Variants in RUFY3 observed in about 807,000 individuals in gnomAD.
RUFY3 encodes protein RUFY3.
A neutral mutation model predicts 84.0 loss-of-function variants in RUFY3; 34 were observed. The ratio of observed to expected loss-of-function variants is 0.40; its 90% CI spans 0.31 to 0.54. The LOEUF (loss-of-function observed/expected upper bound fraction) is 0.54, where lower values mean the gene tolerates loss of function less well. Ranked by LOEUF, RUFY3 falls within the 20% of genes least tolerant of loss-of-function variation. RUFY3 has a pLI of 0.39. For missense variants in RUFY3, 507 were observed against 736.8 expected, an observed-to-expected ratio of 0.69 and a Z score of 3.61; for synonymous variants, 242 against 252.9, an observed-to-expected ratio of 0.96 and a Z score of 0.41.
In RUFY3 at chr4:70,773,590, T is replaced by G. The variant is rs1159154036; in HGVS notation, c.758+18T>G. ...ACTGAAGGGTACGTACAAAGAAAAT[T>G]AGATTTCTTTTCTCCTGATGTAGCA... On this transcript the variant is annotated intron_variant, in intron 6 of 17. Transcript: ENST00000381006. 1 of 1,574,288 alleles carries G rather than the reference T, an allele frequency of 6.4e-7. No homozygotes were observed.
chr4:70,773,419 A>G (rs1300969891), intron 5 of RUFY3, 92 bp from the exon 6 acceptor site: 16 of 800,928 alleles, frequency 2.0e-5, no homozygotes, highest in Non-Finnish European at 3.4e-5. Context: ...TCATGACTGT[A>G]TTACTGTTTT....
chr4:70,719,965 A>G (rs1487361555), upstream of RUFY3, among the ~76,000 whole-genome samples: 1 of 152,192 alleles, frequency 6.6e-6, no homozygotes, highest in Non-Finnish European at 1.5e-5. Context: ...AGAGAATGAG[A>G]TAGAAATAAA....
chr4:70,803,083 A>C, intron 16 of RUFY3, 100 bp downstream of exon 16: 1 of 815,120 alleles, frequency 1.2e-6, no homozygotes, highest in Admixed American at 2.3e-5. Context: ...AAGATGAGTG[A>C]ATACAGTGTG....
chr4:70,792,720 A>C (rs573010689), intron 12 of RUFY3: 1 of 985,338 alleles, frequency 1.0e-6, no homozygotes, highest in East Asian at 1.1e-4. Context: ...CAGAATTAAG[A>C]GTGTAAGATA....
At chr4:70,802,934 AT>A in intron 15 of RUFY3, 21 bp from the exon 16 acceptor site, 2 of 1,579,678 alleles carry the variant, frequency 1.3e-6, no homozygotes, top group Non-Finnish European at 1.7e-6. Context: ...ATTTGTCACA[AT>A]TTTTTACTTC....
At chr4:70,729,281 G>C (rs898004387) in intron 1 of RUFY3, among the ~76,000 whole-genome samples, 6 of 151,792 alleles carry the variant, frequency 4.0e-5, no homozygotes, top group African/African-American at 1.5e-4. Context: ...TTTTGAGACA[G>C]AGTCTCACAG....
At chr4:70,755,691 C>T (rs1249233701) in intron 1 of RUFY3, among the ~76,000 whole-genome samples, 2 of 152,186 alleles carry the variant, frequency 1.3e-5, no homozygotes, top group Non-Finnish European at 2.9e-5. Flanking sequence ...GTGGCTCATG[C>T]CTGTAATCCC....
At chr4:70,753,337 C>A (rs755883132) in intron 1 of RUFY3, among the ~76,000 whole-genome samples, 4 of 152,102 alleles carry the variant, frequency 2.6e-5, no homozygotes, top group Non-Finnish European at 4.4e-5. Flanking sequence ...AAAGAGCCAA[C>A]TTTGGATTTT....
At chr4:70,773,076 G>A (rs377384577) in intron 5 of RUFY3, among the ~76,000 whole-genome samples, 1 of 152,168 alleles carries the variant, frequency 6.6e-6, no homozygotes, top group Admixed American at 6.5e-5. Flanking sequence ...ATTAGCAATG[G>A]TCATCTTCAG....
chr4:70,796,159 A>G (rs1309826140), intron 14 of RUFY3, among the ~76,000 whole-genome samples: 1 of 152,126 alleles, frequency 6.6e-6, no homozygotes, highest in Non-Finnish European at 1.5e-5. Context: ...AGATCACACC[A>G]CTGCACTCCA....
intron 1 of RUFY3, among the ~76,000 whole-genome samples, chr4:70,710,764 A>C (rs1406203041): frequency 6.6e-6 from 1 of 151,528 alleles, no homozygotes; most frequent in African/African-American, 2.4e-5. Context: ...TAATTTATAT[A>C]AAGAGATATG....
Position 70,732,939 on chromosome 4 carries a change from C to T in RUFY3, c.178+10188C>T, listed in dbSNP as rs867289748. On this transcript the variant is annotated intron_variant, in intron 1 of 17. Transcript: ENST00000381006. ...ATAAAAAGCCAGGTGCAGTGGCGGG[C>T]GCCTGTAATCCCAGCTATGTGGGAG... is the stretch of plus-strand genomic sequence containing the variant. Among the ~76,000 whole-genome samples, 183 of 151,686 alleles carry T rather than the reference C, an allele frequency of 1.2e-3. 3 individuals are homozygous for T. The South Asian group carries it at 0.033, about 27-fold the overall frequency.
chr4:70,741,744 TTTAA>T, intron 1 of RUFY3: 1 of 1,203,820 alleles, frequency 8.3e-7, no homozygotes, highest in East Asian at 2.9e-5. Flanking sequence ...CTAACCACCT[TTTAA>T]TTGTTTTCCG....
intron 1 of RUFY3, among the ~76,000 whole-genome samples, chr4:70,735,276 T>A (rs1233654847): frequency 1.3e-5 from 2 of 152,214 alleles, no homozygotes; most frequent in African/African-American, 4.8e-5. Flanking sequence ...GTTTTTTCAT[T>A]GTGGTTCCTC....
chr4:70,788,679 T>C, intron 10 of RUFY3, 127 bp from the exon 11 acceptor site: 3 of 844,398 alleles, frequency 3.6e-6, no homozygotes, highest in Non-Finnish European at 5.3e-6. Flanking sequence ...AAATGAATGG[T>C]AGCTTAAGCT....
intron 6 of RUFY3, among the ~76,000 whole-genome samples, chr4:70,774,004 T>TTA (rs1399287873): frequency 6.6e-6 from 1 of 152,228 alleles, no homozygotes; most frequent in African/African-American, 2.4e-5. Flanking sequence ...TGTGCTGCGT[T>TTA]TATACCTCTT....
At chr4:70,760,526 C>T (rs1271429384) in intron 1 of RUFY3, among the ~76,000 whole-genome samples, 1 of 151,718 alleles carries the variant, frequency 6.6e-6, no homozygotes, top group Non-Finnish European at 1.5e-5. Flanking sequence ...TAGCCCTCTA[C>T]ACATATTCAT....
In RUFY3 at chr4:70,798,020, T is replaced by C. The variant is rs181681048; in HGVS notation, c.1558-2121T>C. Among the ~76,000 whole-genome samples, 188 of 152,304 alleles carry C rather than the reference T, an allele frequency of 1.2e-3. 1 individual carries two copies. Among genetic ancestry groups the C allele is most frequent in the African/African-American group, 4.3e-3 (178 of 41,578 alleles). Reference sequence around the variant, plus strand: ...TTCAGTCTTCAGTTGTTGCCTGCAGTGGCATTTCCAGGAGGATAAGTATTG... The same window carrying C: ...TTCAGTCTTCAGTTGTTGCCTGCAGCGGCATTTCCAGGAGGATAAGTATTG... On this transcript the variant is annotated intron_variant, in intron 14 of 17. Transcript: ENST00000381006.
chr4:70,730,645 A>C (rs1719093235), intron 1 of RUFY3, among the ~76,000 whole-genome samples: 2 of 152,014 alleles, frequency 1.3e-5, no homozygotes, highest in African/African-American at 4.8e-5. Context: ...AGACTGAGGC[A>C]GGAGAATCAC....
Sources: gnomAD v4.1 joint callset for allele counts (sites outside exome capture counted in the v4.1 genomes callset) on GRCh38, gnomAD v4.1.1 for gene constraint, MANE v1.5 for transcripts, NCBI Gene and HGNC (gene_info 2026-07-23, HGNC 2026-07-21) for gene names.